The following HERC1 variants were observed in gnomAD, a reference collection of about 807,000 sequenced individuals.
HERC1 encodes the protein probable E3 ubiquitin-protein ligase HERC1.
A neutral mutation model predicts 554.3 loss-of-function variants in HERC1; 160 were observed. That is an observed-to-expected ratio of 0.29 (90% CI 0.25 to 0.33). The LOEUF is 0.33. Ranked by LOEUF, HERC1 falls within the 10% of genes least tolerant of loss-of-function variation. HERC1 has a pLI of 1.00. For missense variants in HERC1, 4,919 were observed against 5,918.5 expected, an observed-to-expected ratio of 0.83 and a Z score of 5.54; for synonymous variants, 2,175 against 2,131.7, an observed-to-expected ratio of 1.02 and a Z score of -0.56.
Position 63,746,942 on chromosome 15 carries a change from T to G in HERC1, c.2496A>C (p.Ser832=). 6.4e-7 allele frequency: 1 copy of G among 1,552,670 alleles called. No individual in the cohort carries two copies. Among genetic ancestry groups the G allele is most frequent in the Non-Finnish European group, 8.7e-7 (1 of 1,147,490 alleles). Residue 832 remains serine, a synonymous_variant, in exon 12 of 78, where the codon TCA becomes TCC. Coordinates refer to ENST00000443617, the MANE Select transcript of HERC1 (RefSeq NM_003922.4). ...LRNLLFRLMD[S]TVPDEIQEVV... is the part of the protein sequence containing the mutation. ...CCTCTTGGATTTCATCTGGGACAGT[T>G]GAGTCCATCAGTCTGAAGAGCAAAT...
At chr15:63,816,013 C>T (rs2077480508) in intron 1 of HERC1, among the ~76,000 whole-genome samples, 1 of 152,118 alleles carries the variant, frequency 6.6e-6, no homozygotes, top group African/African-American at 2.4e-5. Context: ...ATTTACCTCC[C>T]ACCGGGTCCC....
Position 63,677,743 on chromosome 15 carries a change from T to C in HERC1, c.7070+102A>G, listed in dbSNP as rs968041471. ...ATGAGAAATATTTTTAAAAGTTAAC[T>C]GGCAGCTCACCTAAAATACATAATT... On this transcript the variant is annotated intron_variant, in intron 37 of 77. Coordinates refer to ENST00000443617, the MANE Select transcript of HERC1 (RefSeq NM_003922.4). The surrounding 1 kb of genome is among the most constrained non-coding windows in gnomAD (Gnocchi z 4.4). The C allele has an allele frequency of 1.3e-5, 20 of 1,495,560 alleles. No individual in the cohort carries two copies. The highest frequency in any genetic ancestry group is 1.6e-5 in the Non-Finnish European group (18 of 1,124,700). The allele number at this position is 1,495,560 out of a possible 1,614,324, so 92.6% of individuals were successfully genotyped here. A position where few individuals can be genotyped will look rare whatever the true frequency, so the allele number is the denominator to read the frequency against.
Position 63,677,701 on chromosome 15 carries a change from T to A in HERC1, c.7070+144A>T. 7.3e-7 allele frequency: 1 copy of A among 1,363,094 alleles called. No homozygotes were observed. The highest frequency in any genetic ancestry group is 9.8e-7 in the Non-Finnish European group (1 of 1,017,580). The allele number at this position is 1,363,094 out of a possible 1,614,324, so 84.4% of individuals were successfully genotyped here. ...GAAATTCTCCTTTAAGAAATTACAG[T>A]AGAAACATCTAGCTGCATGAGAAAT... On this transcript the variant is annotated intron_variant, in intron 37 of 77. Transcript: ENST00000443617. This position sits in a 1 kb window ranked among gnomAD's most constrained non-coding sequence, Gnocchi z 4.4.
At chr15:63,795,643 T>C (rs775121346) in intron 1 of HERC1, among the ~76,000 whole-genome samples, 3 of 152,276 alleles carry the variant, frequency 2.0e-5, no homozygotes, top group East Asian at 3.9e-4. Context: ...CACTTGAACA[T>C]AAATTTAATT....
chr15:63,779,426 C>T (rs1264986996), intron 1 of HERC1, among the ~76,000 whole-genome samples: 1 of 152,162 alleles, frequency 6.6e-6, no homozygotes, highest in Non-Finnish European at 1.5e-5. Flanking sequence ...CAAAATAGCA[C>T]AGCCACAGCT....
In HERC1 at chr15:63,636,123, C is replaced by A. The variant is rs781186508; in HGVS notation, c.12252G>T (p.Leu4084=). The A allele has an allele frequency of 1.9e-6, 3 of 1,613,822 alleles. No homozygotes were observed. Among genetic ancestry groups the A allele is most frequent in the Admixed American group, 1.7e-5 (1 of 60,002 alleles). ...SALQGFVVTQ[L]VTSCGSDGHS... ...GCCCATCAGAACCACAGGAAGTCAC[C>A]AGCTGGGTCACCACAAAGCCTGGAA... Residue 4084 remains leucine, a synonymous_variant, in exon 65 of 78, where the codon CTG becomes CTT. Coordinates refer to ENST00000443617, the MANE Select transcript of HERC1 (RefSeq NM_003922.4).
rs1021388941 is a variant in HERC1, at chr15:63,661,910, T to C, written c.9013A>G (p.Ser3005Gly). 26 of 1,613,912 alleles carry C rather than the reference T, an allele frequency of 1.6e-5. No individual in the cohort carries two copies. The highest frequency in any genetic ancestry group is 1.9e-5 in the Non-Finnish European group (23 of 1,179,904). ...CTGCGATAGCCCTGGCGGTTTGCAC[T>C]GCGCCCACAGCCTGGATGGTTTCTC... is the stretch of plus-strand genomic sequence containing the variant. ...MKRNHPGCGR[S>G]ANRQGYRSNG... is the part of the protein sequence containing the mutation. Residue 3005 changes from serine to glycine, a missense_variant, in exon 45 of 78, where the codon AGT becomes GGT. Physicochemically the swap from Ser to Gly is moderately conservative, Grantham distance 56. Coordinates refer to ENST00000443617, the MANE Select transcript of HERC1 (RefSeq NM_003922.4).
intron 12 of HERC1, among the ~76,000 whole-genome samples, chr15:63,739,609 C>T (rs2074705057): frequency 6.6e-6 from 1 of 151,934 alleles, no homozygotes; most frequent in Non-Finnish European, 1.5e-5. Context: ...GAGGTCGAGG[C>T]AGGCAGATCA....
intron 1 of HERC1, among the ~76,000 whole-genome samples, chr15:63,777,976 ATTTAT>A (rs1489789078): frequency 1.3e-5 from 2 of 152,182 alleles, no homozygotes; most frequent in African/African-American, 4.8e-5. Context: ...TACCAACACC[ATTTAT>A]TAAGTAATCC....
At position 63,747,026 on chromosome 15, in the gene HERC1, A is replaced by G. The variant is rs369347117; in HGVS notation, c.2412T>C (p.Leu804=). ...CLKLLSNHLA[L]ALAGGVATSI... is the part of the protein sequence containing the mutation. ...TGGTAGCTACCCCTCCCGCAAGTGC[A>G]AGAGCAAGGTGATTTGAAAGTAGCT... is the stretch of plus-strand genomic sequence containing the variant. The change falls in exon 12 of 78, where the codon CTT becomes CTC. Residue 804 remains leucine, a synonymous_variant. Transcript: ENST00000443617. The G allele has an allele frequency of 5.5e-5, 87 of 1,593,506 alleles. No homozygotes were observed. The highest frequency in any genetic ancestry group is 7.2e-5 in the Non-Finnish European group (84 of 1,170,302).
intron 51 of HERC1, 50 bp from the exon 52 acceptor site, chr15:63,652,591 T>C (rs1724703679): frequency 3.6e-6 from 5 of 1,406,284 alleles, no homozygotes; most frequent in Non-Finnish European, 3.9e-6. Context: ...CAAATGATTT[T>C]ATTATTTGAA....
intron 1 of HERC1, among the ~76,000 whole-genome samples, chr15:63,819,816 T>C (rs1391233993): frequency 6.6e-6 from 1 of 152,144 alleles, no homozygotes; most frequent in Non-Finnish European, 1.5e-5. Flanking sequence ...CCACCAACAT[T>C]TTTTCATTTC....
chr15:63,729,799 C>T, intron 14 of HERC1, 150 bp from the exon 15 acceptor site: 3 of 676,626 alleles, frequency 4.4e-6, no homozygotes, highest in East Asian at 5.6e-5. Context: ...GAGGCAGGTA[C>T]ATCACCTGAA....
At chr15:63,809,973 A>G (rs2077251453) in intron 1 of HERC1, among the ~76,000 whole-genome samples, 1 of 152,126 alleles carries the variant, frequency 6.6e-6, no homozygotes. Context: ...CACTGCACCC[A>G]GCCAGGAAAC....
At position 63,626,117 on chromosome 15, in the gene HERC1, T is replaced by C. The variant is rs2068290738; in HGVS notation, c.13143A>G (p.Thr4381=). 1.2e-6 allele frequency: 2 copies of C among 1,613,630 alleles called. No homozygotes were observed. Among genetic ancestry groups the C allele is most frequent in the Non-Finnish European group, 1.7e-6 (2 of 1,179,794 alleles). ...SVPLQLGLPD[T]VPPQYGALRE... is the part of the protein sequence containing the mutation. ...TCAGCGCCCCATACTGGGGGGGCAC[T>C]GTGTCAGGCAGGCCCAGCTGCAGAG... Residue 4381 remains threonine, a synonymous_variant, in exon 71 of 78, where the codon ACA becomes ACG. Transcript: ENST00000443617.
intron 74 of HERC1, among the ~76,000 whole-genome samples, chr15:63,621,352 C>A (rs2068068834): frequency 6.6e-6 from 1 of 152,214 alleles, no homozygotes. Flanking sequence ...AGAGTTTCTG[C>A]CGAGATATCT....
In HERC1 at chr15:63,720,103, C is replaced by CTTTTTTTTTTTTTTTTTT. The variant is rs573648232; in HGVS notation, c.3743-1207_3743-1206insAAAAAAAAAAAAAAAAAA. The stretch of plus-strand genomic sequence containing the variant: ...GGACTAGTCAGGTGCTTTTTCTTCC[C>CTTTTTTTTTTTTTTTTTT]TTTTTTTTTTTTTTTAAGAGACAGG... On this transcript the variant is annotated intron_variant, in intron 19 of 77. Coordinates refer to ENST00000443617, the MANE Select transcript of HERC1 (RefSeq NM_003922.4). Among the ~76,000 whole-genome samples the CTTTTTTTTTTTTTTTTTT allele has an allele frequency of 3.9e-3, 281 of 71,558 alleles. 85 individuals carry two copies. The highest frequency in any genetic ancestry group is 7.2e-3 in the African/African-American group (119 of 16,604). 46.9% of individuals were successfully genotyped at this position (71,558 alleles called of 152,430 possible).
At chr15:63,619,664 C>G (rs1360089572) in intron 74 of HERC1, among the ~76,000 whole-genome samples, 1 of 152,158 alleles carries the variant, frequency 6.6e-6, no homozygotes, top group Non-Finnish European at 1.5e-5. Context: ...ATTATTGCCT[C>G]AATTTCAGAG....
chr15:63,647,623 G>C (rs995241352), intron 55 of HERC1, among the ~76,000 whole-genome samples: 2 of 152,138 alleles, frequency 1.3e-5, no homozygotes, highest in African/African-American at 4.8e-5. Flanking sequence ...TGGATGACTG[G>C]ATAACGAAAA....
Sources: allele counts gnomAD v4.1 joint callset (sites outside exome capture counted in the v4.1 genomes callset), GRCh38; gene constraint gnomAD v4.1.1; non-coding constraint Gnocchi (gnomAD v3.1); transcripts MANE v1.5; gene names NCBI Gene and HGNC (gene_info 2026-07-23, HGNC 2026-07-21).